The following UMAD1 variants were observed in gnomAD, a reference collection of about 807,000 sequenced individuals.
UMAD1 encodes UBAP1-MVB12-associated (UMA) domain containing 1.
A neutral mutation model predicts 6.1 loss-of-function variants in UMAD1; 8 were observed. The observed-to-expected ratio is 1.30, with a 90% CI of 0.76 to 2.35. The LOEUF is 2.35. Ranked by LOEUF, UMAD1 falls within the 30% of genes most tolerant of loss-of-function variation. The probability of loss-of-function intolerance (pLI) is 0.00; values close to 1 mark genes in which losing one functional copy is unlikely to be tolerated. For synonymous variants in UMAD1, 56 were observed against 31.4 expected (o/e 1.78, Z -2.61); for missense variants, 130 against 78.4 (o/e 1.66, Z -2.49).
intron 2 of UMAD1, among the ~76,000 whole-genome samples, chr7:7,772,881 A>G (rs968448073): frequency 6.6e-6 from 1 of 152,216 alleles, no homozygotes; most frequent in East Asian, 1.9e-4. Context: ...TGGATTAGAT[A>G]TAACACAAGA....
At chr7:7,818,969 C>T (rs1401449368) in intron 3 of UMAD1, among the ~76,000 whole-genome samples, 1 of 152,158 alleles carries the variant, frequency 6.6e-6, no homozygotes, top group Non-Finnish European at 1.5e-5. Context: ...CCTGCCTCAG[C>T]CTCCCAAGTA....
intron 2 of UMAD1, among the ~76,000 whole-genome samples, chr7:7,728,787 T>C (rs943382741): frequency 2.6e-5 from 4 of 152,242 alleles, no homozygotes; most frequent in Non-Finnish European, 5.9e-5. Flanking sequence ...CTTTTCACTA[T>C]GTTCCTTCTC....
intron 3 of UMAD1, among the ~76,000 whole-genome samples, chr7:7,811,009 C>T (rs964545894): frequency 2.6e-5 from 4 of 152,116 alleles, no homozygotes; most frequent in South Asian, 2.1e-4. Flanking sequence ...CTTTGGAAAT[C>T]ACATGGCCCA....
intron 2 of UMAD1, among the ~76,000 whole-genome samples, chr7:7,768,965 G>A (rs547259390): frequency 6.6e-6 from 1 of 152,262 alleles, no homozygotes; most frequent in African/African-American, 2.4e-5. Flanking sequence ...TGTGGTATTA[G>A]ATGGAGATGA....
intron 3 of UMAD1, among the ~76,000 whole-genome samples, chr7:7,832,927 CA>C (rs777853410): frequency 1.4e-4 from 21 of 152,152 alleles, no homozygotes; most frequent in African/African-American, 2.2e-4. Context: ...TTTTCATAGA[CA>C]GGGGGGAACG....
chr7:7,871,390 T>C (rs1368415834), intron 3 of UMAD1, among the ~76,000 whole-genome samples: 1 of 152,262 alleles, frequency 6.6e-6, no homozygotes, highest in Non-Finnish European at 1.5e-5. Context: ...AGAGCTTTAA[T>C]GGTCATTGGG....
chr7:7,641,091 A>G (rs1336213450), intron 1 of UMAD1: 1 of 152,450 alleles, frequency 6.6e-6, no homozygotes, highest in African/African-American at 2.4e-5. Context: ...GATCTTGATC[A>G]CTTTCTTCAG....
intron 3 of UMAD1, among the ~76,000 whole-genome samples, chr7:7,864,910 T>A (rs1163972107): frequency 2.6e-5 from 4 of 152,118 alleles, no homozygotes; most frequent in Non-Finnish European, 5.9e-5. Flanking sequence ...TTTATGCCTA[T>A]GTAATAAAAC....
At chr7:7,804,756 C>T (rs1420507733) in intron 3 of UMAD1, among the ~76,000 whole-genome samples, 1 of 152,060 alleles carries the variant, frequency 6.6e-6, no homozygotes, top group Non-Finnish European at 1.5e-5. Flanking sequence ...CTGAGGCAGC[C>T]GGATCATGAG....
At chr7:7,806,513 C>A (rs1269669262) in intron 3 of UMAD1, among the ~76,000 whole-genome samples, 1 of 152,068 alleles carries the variant, frequency 6.6e-6, no homozygotes, top group African/African-American at 2.4e-5. Flanking sequence ...AACATAAATG[C>A]CCTGTCAATG....
chr7:7,728,154 T>G (rs1331602463), intron 2 of UMAD1, among the ~76,000 whole-genome samples: 1 of 152,176 alleles, frequency 6.6e-6, no homozygotes, highest in African/African-American at 2.4e-5. Context: ...TGTGTACATG[T>G]GTGCACATCT....
At chr7:7,877,249 G>A in intron 3 of UMAD1, 32 bp from the exon 4 acceptor site, 1 of 697,022 alleles carries the variant, frequency 1.4e-6, no homozygotes, top group African/African-American at 1.8e-5. Flanking sequence ...AAGTTCACAA[G>A]GCCTAAATGT....
intron 2 of UMAD1, among the ~76,000 whole-genome samples, chr7:7,726,857 C>G (rs1022073386): frequency 6.6e-6 from 1 of 152,112 alleles, no homozygotes; most frequent in African/African-American, 2.4e-5. Flanking sequence ...GGGTGATTGA[C>G]CTGGACTATC....
At chr7:7,724,632 A>T (rs1039613640) in intron 2 of UMAD1, among the ~76,000 whole-genome samples, 1 of 152,224 alleles carries the variant, frequency 6.6e-6, no homozygotes, top group African/African-American at 2.4e-5. Flanking sequence ...TGTTTGGCCT[A>T]TGCAGAAGGC....
intron 2 of UMAD1, chr7:7,738,487 AG>A (rs1173397404): frequency 6.6e-6 from 1 of 152,252 alleles, no homozygotes; most frequent in African/African-American, 2.4e-5. Flanking sequence ...TTAATATAAA[AG>A]TTTTGCAAAA....
chr7:7,793,524 G>T (rs1005135392), intron 2 of UMAD1, among the ~76,000 whole-genome samples: 2 of 152,136 alleles, frequency 1.3e-5, no homozygotes, highest in African/African-American at 4.8e-5. Context: ...TGGAATTTGT[G>T]GGGGAGATAT....
chr7:7,842,047 G>C (rs764260525), intron 3 of UMAD1, among the ~76,000 whole-genome samples: 5 of 152,214 alleles, frequency 3.3e-5, no homozygotes, highest in Non-Finnish European at 5.9e-5. Flanking sequence ...TCTGTACAGT[G>C]TCTCTGTCGG....
At chr7:7,760,592 T>C (rs1435250622) in intron 2 of UMAD1, among the ~76,000 whole-genome samples, 1 of 152,102 alleles carries the variant, frequency 6.6e-6, no homozygotes, top group Admixed American at 6.5e-5. Flanking sequence ...CAGAATATAC[T>C]ACTGAATGTA....
intron 3 of UMAD1, among the ~76,000 whole-genome samples, chr7:7,866,491 A>G (rs924014549): frequency 7.2e-5 from 11 of 152,214 alleles, no homozygotes; most frequent in African/African-American, 2.2e-4. Flanking sequence ...TGAAATAGGC[A>G]AGATGAAGGG....
Sources: gnomAD v4.1 joint callset for allele counts (sites outside exome capture counted in the v4.1 genomes callset) on GRCh38, gnomAD v4.1.1 for gene constraint, MANE v1.5 for transcripts, NCBI Gene and HGNC (gene_info 2026-07-23, HGNC 2026-07-21) for gene names.